Variants in MYO1E observed in about 807,000 individuals in gnomAD.
The protein encoded by MYO1E is unconventional myosin-Ie.
A neutral mutation model predicts 151.1 loss-of-function variants in MYO1E; 68 were observed. That is an observed-to-expected ratio of 0.45 (90% CI 0.37 to 0.55). The LOEUF is 0.55. Among genes scored for constraint, MYO1E ranks in the 20% least tolerant of loss-of-function variants. The pLI is 0.00. For missense variants in MYO1E, 1,363 were observed against 1,389.3 expected, an observed-to-expected ratio of 0.98 and a Z score of 0.30; for synonymous variants, 601 against 501.7, an observed-to-expected ratio of 1.20 and a Z score of -2.64.
chr15:59,193,847 C>T (rs1200451968), intron 17 of MYO1E, among the ~76,000 whole-genome samples: 1 of 152,132 alleles, frequency 6.6e-6, no homozygotes, highest in South Asian at 2.1e-4. Flanking sequence ...AATCTGACTA[C>T]ATTAAATTGA....
At chr15:59,316,110 T>C (rs2080587383) in intron 1 of MYO1E, among the ~76,000 whole-genome samples, 1 of 152,092 alleles carries the variant, frequency 6.6e-6, no homozygotes, top group African/African-American at 2.4e-5. Flanking sequence ...CCATCAAACC[T>C]CCACTTGCAA....
Position 59,350,548 on chromosome 15 carries a change from C to T in MYO1E, c.3+21950G>A, listed in dbSNP as rs1272914847. Among the ~76,000 whole-genome samples the T allele has an allele frequency of 6.6e-6, 1 of 152,140 alleles. No individual in the cohort carries two copies. The highest frequency in any genetic ancestry group is 2.4e-5 in the African/African-American group (1 of 41,432). Reference sequence around the variant, plus strand: ...CTGAGAGGAAAGTGGGGAGAGGAGGCCTGATCCACAGCTAACCATAATTCC... The same window carrying T: ...CTGAGAGGAAAGTGGGGAGAGGAGGTCTGATCCACAGCTAACCATAATTCC... On this transcript the variant is annotated intron_variant, in intron 1 of 27. Coordinates refer to ENST00000288235, the MANE Select transcript of MYO1E (RefSeq NM_004998.4). The surrounding 1 kb of genome is among the most constrained non-coding windows in gnomAD (Gnocchi z 5.0).
At chr15:59,268,720 A>ATTTTTTTGTTTTTTTTTTTTTTTTTTTT (rs2080271497) in intron 2 of MYO1E, among the ~76,000 whole-genome samples, 1 of 44,906 alleles carries the variant, frequency 2.2e-5, no homozygotes, top group Non-Finnish European at 4.9e-5. Context: ...TGACTTTGGT[A>ATTTTTTTGTTTTTTTTTTTTTTTTTTTT]TTTTTTTTTT....
chr15:59,236,765 CA>C, intron 4 of MYO1E, 93 bp from the exon 5 acceptor site: 3 of 1,173,862 alleles, frequency 2.6e-6, no homozygotes, highest in Non-Finnish European at 1.2e-6. Context: ...AACAAACAAA[CA>C]AAAAAACAAA....
intron 2 of MYO1E, among the ~76,000 whole-genome samples, chr15:59,269,903 A>T (rs1490381338): frequency 2.0e-5 from 3 of 152,076 alleles, no homozygotes; most frequent in African/African-American, 7.2e-5. Context: ...AAGTCAGCAA[A>T]TTTTTTTCTG....
At chr15:59,151,030 C>CG (rs1417695425) in intron 26 of MYO1E, among the ~76,000 whole-genome samples, 1 of 137,840 alleles carries the variant, frequency 7.3e-6, no homozygotes, top group African/African-American at 2.9e-5. Context: ...CACACACACA[C>CG]ACACACACAC....
At chr15:59,367,674 C>T (rs12441388) in intron 1 of MYO1E, among the ~76,000 whole-genome samples, 115,927 of 152,114 alleles carry the variant, frequency 0.76, 46,388 homozygotes, top group Non-Finnish European at 0.89. Flanking sequence ...ACTGGGTATG[C>T]AGTGAACGTT....
In MYO1E at chr15:59,357,939, T is replaced by C. The variant is rs190595654; in HGVS notation, c.3+14559A>G. On this transcript the variant is annotated intron_variant, in intron 1 of 27. Coordinates refer to ENST00000288235, the MANE Select transcript of MYO1E (RefSeq NM_004998.4). ...TTTGGTCAGCTGATATAGGTGAGTG[T>C]AGCCACACTGCAGAGGTGGAATCAC... Among the ~76,000 whole-genome samples, 4 of 152,260 alleles carry C rather than the reference T, an allele frequency of 2.6e-5. No homozygotes were observed. The East Asian group carries it at 7.7e-4, about 29-fold the overall frequency.
chr15:59,134,035 C>T lies in MYO1E; in HGVS notation c.*3345G>A, dbSNP rs1345091443. 6.6e-6 allele frequency: 1 copy of T among 152,296 alleles called. No homozygotes were observed. Among genetic ancestry groups the T allele is most frequent in the Non-Finnish European group, 1.5e-5 (1 of 68,078 alleles). 9.4% of individuals were successfully genotyped at this position (152,296 alleles called of 1,614,324 possible). ...CACCTGGCAGGAGCCCGCTGTCACT[C>T]TGGTGCTCTGGGTAAGCTGCTGAGA... On this transcript the variant is annotated 3_prime_UTR_variant, in exon 28 of 28. Coordinates refer to ENST00000288235, the MANE Select transcript of MYO1E (RefSeq NM_004998.4).
rs547230238 is a variant in MYO1E at position 59,275,148 on chromosome 15, G to A, written c.4-2699C>T. ...TCGATGACTATGGACGCATCCAAAC[G>A]TGGTTTCTTCACAGTCTCATACATG... On this transcript the variant is annotated intron_variant, in intron 1 of 27. Transcript: ENST00000288235. Among the ~76,000 whole-genome samples the A allele has an allele frequency of 2.6e-5, 4 of 152,218 alleles. No individual in the cohort carries two copies. The East Asian group carries it at 5.8e-4, about 22-fold the overall frequency.
At chr15:59,221,164 C>G (rs2079953805) in intron 9 of MYO1E, among the ~76,000 whole-genome samples, 1 of 151,462 alleles carries the variant, frequency 6.6e-6, no homozygotes, top group African/African-American at 2.4e-5. Flanking sequence ...CGCACCACCA[C>G]CAAACCTGGC....
At chr15:59,190,225 G>C (rs781746128) in intron 17 of MYO1E, among the ~76,000 whole-genome samples, 2 of 152,198 alleles carry the variant, frequency 1.3e-5, no homozygotes, top group African/African-American at 2.4e-5. Context: ...TAAAAAGTAA[G>C]GTCTCTCTCT....
chr15:59,327,241 T>C (rs942911833), intron 1 of MYO1E, among the ~76,000 whole-genome samples: 6 of 152,204 alleles, frequency 3.9e-5, no homozygotes, highest in Non-Finnish European at 7.3e-5. Context: ...AGTGCAGCCG[T>C]GGCTCACCGC....
intron 18 of MYO1E, among the ~76,000 whole-genome samples, chr15:59,181,663 C>CGAACACACACT (rs1459942557): frequency 2.0e-5 from 3 of 152,180 alleles, no homozygotes; most frequent in African/African-American, 4.8e-5. Context: ...AGAGAGGAAA[C>CGAACACACACT]GAACACACAC....
chr15:59,219,133 T>C (rs2079938183), intron 9 of MYO1E, among the ~76,000 whole-genome samples: 2 of 152,184 alleles, frequency 1.3e-5, no homozygotes, highest in Admixed American at 6.5e-5. Flanking sequence ...TATGGCAGTC[T>C]GTGGTCTTTG....
At chr15:59,187,289 C>T (rs1222375640) in intron 18 of MYO1E, among the ~76,000 whole-genome samples, 2 of 152,192 alleles carry the variant, frequency 1.3e-5, no homozygotes, top group Non-Finnish European at 2.9e-5. Flanking sequence ...AAGGGCCTCA[C>T]AGACATTTCT....
intron 1 of MYO1E, among the ~76,000 whole-genome samples, chr15:59,324,304 A>T (rs8033217): frequency 0.21 from 32,128 of 151,408 alleles, 4,566 homozygotes; most frequent in African/African-American, 0.41. Context: ...TTTTCAAATT[A>T]AAAAAAAAGG....
At chr15:59,323,662 G>GA (rs376424401) in intron 1 of MYO1E, among the ~76,000 whole-genome samples, 215 of 141,952 alleles carry the variant, frequency 1.5e-3, no homozygotes, top group African/African-American at 4.4e-3. Flanking sequence ...CCTCAAAAAA[G>GA]AAAAAAAAAA....
chr15:59,178,465 C>A lies in MYO1E; in HGVS notation c.1977G>T (p.Leu659=), dbSNP rs1393706650. ...GGTCGCTGTCCATGTTGACCGACTG[C>A]AGCAGGTGCAGGACGCCTTGCTTCT... ...GEEKQGVLHL[L]QSVNMDSDQF... The change falls in exon 19 of 28, where the codon CTG becomes CTT. Residue 659 remains leucine (L), a synonymous_variant. Coordinates refer to ENST00000288235, the MANE Select transcript of MYO1E (RefSeq NM_004998.4). 6.2e-7 allele frequency: 1 copy of A among 1,614,072 alleles called. No homozygotes were observed. The highest frequency in any genetic ancestry group is 1.3e-5 in the African/African-American group (1 of 74,918).
Sources: allele counts gnomAD v4.1 joint callset (sites outside exome capture counted in the v4.1 genomes callset), GRCh38; gene constraint gnomAD v4.1.1; non-coding constraint Gnocchi (gnomAD v3.1); transcripts MANE v1.5; gene names NCBI Gene and HGNC (gene_info 2026-07-23, HGNC 2026-07-21).